The following TAF1A variants were observed in gnomAD, a reference collection of about 807,000 sequenced individuals.
The protein encoded by TAF1A is TATA-box binding protein associated factor, RNA polymerase I subunit A.
Under a neutral mutation model 61.6 loss-of-function variants are expected in TAF1A, and 42 were observed. The ratio of observed to expected loss-of-function variants is 0.68; its 90% CI spans 0.53 to 0.88. The LOEUF (loss-of-function observed/expected upper bound fraction) is 0.88. Among genes scored for constraint, TAF1A ranks in the 40% least tolerant of loss-of-function variants. The pLI, the probability that TAF1A is intolerant of heterozygous loss-of-function variation, is 0.00. For synonymous variants in TAF1A, 179 were observed against 177.7 expected (o/e 1.01, Z -0.06); for missense variants, 424 against 518.7 (o/e 0.82, Z 1.77).
chr1:222,578,919 C>T lies in TAF1A; in HGVS notation c.405+840G>A, dbSNP rs913985884. Among the ~76,000 whole-genome samples, 5 of 152,310 alleles carry T rather than the reference C, an allele frequency of 3.3e-5. No individual in the cohort carries two copies. The East Asian group carries it at 9.6e-4, about 29-fold the overall frequency. On this transcript the variant is annotated intron_variant, in intron 4 of 10. Transcript: ENST00000352967. ...CTTATTGAGAAATGAGGTTCCCTTT[C>T]AGTTTCTTTACTTCAACTGAGTAGA...
chr1:222,583,179 C>T (rs554163567), intron 3 of TAF1A, among the ~76,000 whole-genome samples: 1 of 152,054 alleles, frequency 6.6e-6, no homozygotes, highest in African/African-American at 2.4e-5. Context: ...AGCAAGACTC[C>T]GTTTCAAAAG....
rs1459459724 is a variant in TAF1A at position 222,584,340 on chromosome 1, C to T, written c.122-43G>A. 2.6e-6 allele frequency: 4 copies of T among 1,532,428 alleles called. No individual in the cohort carries two copies. In the South Asian group the frequency reaches 3.7e-5, roughly 14 times the overall value. The allele number at this position is 1,532,428 out of a possible 1,614,324, so 94.9% of individuals were successfully genotyped here. The stretch of plus-strand genomic sequence containing the variant: ...AAGAGAGTTTTTATCCAAGTGGCTC[C>T]AGTTCAACTATTCAAAAAACTTACT... On this transcript the variant is annotated intron_variant, in intron 2 of 10. Transcript: ENST00000352967.
intron 5 of TAF1A, 131 bp downstream of exon 5, chr1:222,577,314 T>G: frequency 1.4e-6 from 1 of 690,830 alleles, no homozygotes; most frequent in East Asian, 2.7e-5. Flanking sequence ...GGATCAAGAA[T>G]TTTAAATCCA....
At chr1:222,571,996 C>G (rs1010479435) in intron 5 of TAF1A, among the ~76,000 whole-genome samples, 1 of 152,108 alleles carries the variant, frequency 6.6e-6, no homozygotes, top group African/African-American at 2.4e-5. Flanking sequence ...GTGGGTGGAT[C>G]ACCTGAGGTC....
At chr1:222,567,445 T>C (rs150368201) in intron 7 of TAF1A, among the ~76,000 whole-genome samples, 1 of 152,306 alleles carries the variant, frequency 6.6e-6, no homozygotes, top group East Asian at 1.9e-4. Context: ...ATGATCAAAA[T>C]GGTAACATTT....
intron 10 of TAF1A, among the ~76,000 whole-genome samples, chr1:222,559,394 C>T (rs1659823707): frequency 6.6e-6 from 1 of 152,224 alleles, no homozygotes; most frequent in Non-Finnish European, 1.5e-5. Flanking sequence ...AGAAGTTCCA[C>T]CTGCTGTTCA....
chr1:222,584,320 A>T, intron 2 of TAF1A, 23 bp from the exon 3 acceptor site: 1 of 1,565,426 alleles, frequency 6.4e-7, no homozygotes, highest in Non-Finnish European at 8.6e-7. Context: ...AAAAGAAGAG[A>T]GTTTTTATCC....
At chr1:222,580,326 A>C (rs1571823556) in intron 3 of TAF1A, among the ~76,000 whole-genome samples, 1 of 152,190 alleles carries the variant, frequency 6.6e-6, no homozygotes, top group East Asian at 1.9e-4. Context: ...TATTGACTAC[A>C]TTTATTCTAT....
intron 4 of TAF1A, among the ~76,000 whole-genome samples, chr1:222,578,860 T>A (rs1386519870): frequency 6.6e-6 from 1 of 152,092 alleles, no homozygotes; most frequent in South Asian, 2.1e-4. Context: ...ACAAAAAAAA[T>A]TGTATTATCT....
At chr1:222,558,862 C>T in intron 10 of TAF1A, 90 bp from the exon 11 acceptor site, 1 of 525,608 alleles carries the variant, frequency 1.9e-6, no homozygotes, top group Non-Finnish European at 3.3e-6. Flanking sequence ...TTAAGTTTAG[C>T]ACACTAATGA....
At chr1:222,584,070 G>A in intron 3 of TAF1A, 58 bp downstream of exon 3, 2 of 1,562,414 alleles carry the variant, frequency 1.3e-6, no homozygotes, top group East Asian at 4.5e-5. Flanking sequence ...AGGTGAAGCT[G>A]TAGGCATAAA....
intron 8 of TAF1A, among the ~76,000 whole-genome samples, 180 bp from the exon 9 acceptor site, chr1:222,563,476 A>G (rs938329851): frequency 2.0e-5 from 3 of 152,206 alleles, no homozygotes; most frequent in Admixed American, 1.3e-4. Flanking sequence ...TACTCCTGCA[A>G]TGAATCTGAA....
chr1:222,575,586 C>T (rs1473771105), intron 5 of TAF1A, among the ~76,000 whole-genome samples: 2 of 152,154 alleles, frequency 1.3e-5, no homozygotes, highest in African/African-American at 4.8e-5. Context: ...GAAGGAGGTT[C>T]CTAGTCACCA....
intron 5 of TAF1A, 60 bp downstream of exon 5, chr1:222,577,383 TCC>T: frequency 7.4e-7 from 1 of 1,350,686 alleles, no homozygotes; most frequent in Non-Finnish European, 1.0e-6. Flanking sequence ...ACTAGATTAC[TCC>T]TTAAGATCCC....
At position 222,577,523 on chromosome 1, in the gene TAF1A, T is replaced by C. The variant is rs1470902060; in HGVS notation, c.526A>G (p.Ile176Val). Residue 176 changes from isoleucine (I) to valine (V), a missense_variant, in exon 5 of 11, where the codon ATC (isoleucine) becomes GTC (valine). Ile to Val is a conservative substitution (Grantham distance 29). Coordinates refer to ENST00000352967, the MANE Select transcript of TAF1A (RefSeq NM_005681.4). ...CCTTTATAGGCCTGAATAAGGTTGATTAATATTTCCCGGGAAGACGTATTT... is the reference window on the plus strand; with the variant it reads ...CCTTTATAGGCCTGAATAAGGTTGACTAATATTTCCCGGGAAGACGTATTT... ...GENTSSREILINLIQAYKGLL... is the reference protein window; with the variant it reads ...GENTSSREILVNLIQAYKGLL... 1.2e-6 allele frequency: 2 copies of C among 1,614,056 alleles called. No homozygotes were observed. Among genetic ancestry groups the C allele is most frequent in the Admixed American group, 1.7e-5 (1 of 60,020 alleles).
At chr1:222,570,266 T>C (rs1315341731) in intron 6 of TAF1A, among the ~76,000 whole-genome samples, 1 of 152,178 alleles carries the variant, frequency 6.6e-6, no homozygotes, top group Non-Finnish European at 1.5e-5. Context: ...ATAAGGTATC[T>C]TACTGCATTT....
chr1:222,586,179 A>T (rs142645858), intron 2 of TAF1A, among the ~76,000 whole-genome samples: 1 of 152,264 alleles, frequency 6.6e-6, no homozygotes, highest in East Asian at 1.9e-4. Context: ...TTACAACTAC[A>T]GAGTACTATG....
At chr1:222,578,755 A>G (rs1660670964) in intron 4 of TAF1A, among the ~76,000 whole-genome samples, 1 of 152,106 alleles carries the variant, frequency 6.6e-6, no homozygotes, top group South Asian at 2.1e-4. Flanking sequence ...TACCCATAAC[A>G]CTTCATTCCA....
chr1:222,559,760 C>T (rs1169309867), intron 10 of TAF1A, among the ~76,000 whole-genome samples: 1 of 152,022 alleles, frequency 6.6e-6, no homozygotes, highest in Non-Finnish European at 1.5e-5. Context: ...AATCCTCCCA[C>T]CTCAGCCTCC....
Sources: gnomAD v4.1 joint callset for allele counts (sites outside exome capture counted in the v4.1 genomes callset) on GRCh38, gnomAD v4.1.1 for gene constraint, MANE v1.5 for transcripts, NCBI Gene and HGNC (gene_info 2026-07-23, HGNC 2026-07-21) for gene names.